The following RNF217 variants were observed in gnomAD, a reference collection of about 807,000 sequenced individuals.
RNF217 encodes ring finger protein 217.
Under a neutral mutation model 57.8 loss-of-function variants are expected in RNF217, and 31 were observed. That is an observed-to-expected ratio of 0.54 (90% CI 0.40 to 0.72). The LOEUF (loss-of-function observed/expected upper bound fraction) is 0.72, where lower values mean the gene tolerates loss of function less well. Ranked by LOEUF, RNF217 falls within the 30% of genes least tolerant of loss-of-function variation. RNF217 has a pLI of 0.00. For synonymous variants in RNF217, 313 were observed against 294.0 expected, an observed-to-expected ratio of 1.06 and a Z score of -0.66; for missense variants, 696 against 708.3, an observed-to-expected ratio of 0.98 and a Z score of 0.20.
chr6:125,008,716 C>T (rs1785293752), intron 1 of RNF217: 2 of 148,926 alleles, frequency 1.3e-5, no homozygotes, highest in Admixed American at 1.3e-4. Context: ...TTGTATCTAT[C>T]TGGTCCTTTC....
intron 1 of RNF217, among the ~76,000 whole-genome samples, chr6:125,015,044 A>G (rs1366453999): frequency 1.3e-5 from 2 of 152,194 alleles, no homozygotes; most frequent in African/African-American, 4.8e-5. Context: ...CCATTTAGCT[A>G]CTTACTTCAT....
At chr6:125,061,435 G>C (rs1437553979) in intron 3 of RNF217, among the ~76,000 whole-genome samples, 1 of 150,614 alleles carries the variant, frequency 6.6e-6, no homozygotes, top group Non-Finnish European at 1.5e-5. Flanking sequence ...ATGTATTTTT[G>C]AGTTTGTAAT....
chr6:125,056,684 A>G (rs949407006), intron 2 of RNF217, among the ~76,000 whole-genome samples: 2 of 152,152 alleles, frequency 1.3e-5, no homozygotes, highest in African/African-American at 4.8e-5. Context: ...TAGTCAGTGA[A>G]TTCACACATG....
chr6:125,078,021 G>A (rs761213315), intron 4 of RNF217, among the ~76,000 whole-genome samples: 3 of 152,146 alleles, frequency 2.0e-5, no homozygotes, highest in Non-Finnish European at 4.4e-5. Context: ...TAAAATCTAT[G>A]TGATCTCTAT....
At chr6:124,978,336 G>T (rs555014317) in intron 1 of RNF217, among the ~76,000 whole-genome samples, 1 of 151,764 alleles carries the variant, frequency 6.6e-6, no homozygotes, top group East Asian at 1.9e-4. Context: ...CATTCCGCTT[G>T]TGCCCCAGAC....
At chr6:125,030,487 G>A (rs1786307558) in intron 1 of RNF217, among the ~76,000 whole-genome samples, 1 of 152,098 alleles carries the variant, frequency 6.6e-6, no homozygotes, top group South Asian at 2.1e-4. Context: ...ACAGGTATTG[G>A]GTAAATACAG....
At chr6:125,044,325 T>TA (rs375576919) in intron 1 of RNF217, among the ~76,000 whole-genome samples, 10 of 152,216 alleles carry the variant, frequency 6.6e-5, no homozygotes, top group African/African-American at 2.4e-4. Context: ...GTTCACTACT[T>TA]ACGAAAAATA....
chr6:125,037,406 T>G (rs187014112), intron 1 of RNF217, among the ~76,000 whole-genome samples: 91 of 152,328 alleles, frequency 6.0e-4, no homozygotes, highest in African/African-American at 2.1e-3. Context: ...TTCTTGTTAC[T>G]GTGTGTTTGG....
At chr6:125,021,792 A>T (rs576722031) in intron 1 of RNF217, among the ~76,000 whole-genome samples, 2 of 152,248 alleles carry the variant, frequency 1.3e-5, no homozygotes, top group South Asian at 4.2e-4. Context: ...TTCCCTGTAT[A>T]ACTGAAAAAT....
At chr6:124,970,779 A>C (rs189475053) in intron 1 of RNF217, among the ~76,000 whole-genome samples, 34 of 152,326 alleles carry the variant, frequency 2.2e-4, no homozygotes, top group African/African-American at 6.7e-4. Flanking sequence ...CAGAAAGAAG[A>C]AGCAAAGAGT....
At chr6:125,023,677 G>A (rs1380623187) in intron 1 of RNF217, among the ~76,000 whole-genome samples, 1 of 152,098 alleles carries the variant, frequency 6.6e-6, no homozygotes, top group Non-Finnish European at 1.5e-5. Flanking sequence ...CCACCTAAGT[G>A]CCCATTGATA....
chr6:125,063,276 C>T (rs558754319), intron 3 of RNF217, among the ~76,000 whole-genome samples: 34 of 152,152 alleles, frequency 2.2e-4, no homozygotes, highest in African/African-American at 7.2e-4. Flanking sequence ...CAGGATTATA[C>T]GTTATAAAAG....
chr6:124,978,409 G>A (rs1042371952), intron 1 of RNF217, among the ~76,000 whole-genome samples: 8 of 151,242 alleles, frequency 5.3e-5, no homozygotes, highest in East Asian at 3.9e-4. Context: ...TGCTGTGAGC[G>A]GCTTCCACCT....
chr6:124,968,395 TACTC>T (rs1348695935), intron 1 of RNF217, among the ~76,000 whole-genome samples: 12 of 152,226 alleles, frequency 7.9e-5, no homozygotes, highest in South Asian at 6.2e-4. Context: ...TTTCATGCCT[TACTC>T]ATTCCATTAT....
At chr6:125,019,824 T>G (rs1240147866) in intron 1 of RNF217, among the ~76,000 whole-genome samples, 3 of 140,830 alleles carry the variant, frequency 2.1e-5, no homozygotes, top group Admixed American at 7.1e-5. Flanking sequence ...GATGTCCCCT[T>G]TTTTGCAGTG....
intron 1 of RNF217, among the ~76,000 whole-genome samples, chr6:125,021,085 G>T (rs1785817738): frequency 6.6e-6 from 1 of 151,984 alleles, no homozygotes; most frequent in Non-Finnish European, 1.5e-5. Flanking sequence ...TTTCAGTTCT[G>T]GGAATCTACC....
intron 1 of RNF217, among the ~76,000 whole-genome samples, chr6:124,985,755 G>C (rs951677044): frequency 6.6e-6 from 1 of 152,060 alleles, no homozygotes; most frequent in African/African-American, 2.4e-5. Context: ...GCTCTGGGAA[G>C]GAAGAGAGAG....
intron 1 of RNF217, among the ~76,000 whole-genome samples, chr6:124,988,142 G>A (rs1163921478): frequency 1.3e-5 from 2 of 152,194 alleles, no homozygotes; most frequent in Non-Finnish European, 2.9e-5. Flanking sequence ...CGAGGGATCT[G>A]GGTTGCACGC....
chr6:125,051,102 GAC>G (rs1787296998), intron 2 of RNF217, among the ~76,000 whole-genome samples: 1 of 151,670 alleles, frequency 6.6e-6, no homozygotes, highest in African/African-American at 2.4e-5. Context: ...GCATAAATTA[GAC>G]ACAATATTTT....
Sources: gnomAD v4.1 joint callset for allele counts (sites outside exome capture counted in the v4.1 genomes callset) on GRCh38, gnomAD v4.1.1 for gene constraint, MANE v1.5 for transcripts, NCBI Gene and HGNC (gene_info 2026-07-23, HGNC 2026-07-21) for gene names.